The following NOS1 variants were observed in gnomAD, a reference collection of about 807,000 sequenced individuals.
The protein encoded by NOS1 is nitric oxide synthase 1.
NOS1 carries 51 observed loss-of-function variants against 164.5 expected under a neutral mutation model. That is an observed-to-expected ratio of 0.31 (90% CI 0.25 to 0.39). The LOEUF (loss-of-function observed/expected upper bound fraction) is 0.39. Ranked by LOEUF, NOS1 falls within the 10% of genes least tolerant of loss-of-function variation. The pLI, the probability that NOS1 is intolerant of heterozygous loss-of-function variation, is 1.00. For missense variants in NOS1, 1,362 were observed against 1,885.6 expected, an observed-to-expected ratio of 0.72 and a Z score of 5.14; for synonymous variants, 719 against 745.8, an observed-to-expected ratio of 0.96 and a Z score of 0.59.
rs960649538 is a variant in NOS1, at chr12:117,210,614, T to C, written c.*4695A>G. The C allele has an allele frequency of 2.0e-6, 2 of 985,408 alleles. No individual in the cohort carries two copies. The highest frequency in any genetic ancestry group is 1.7e-5 in the African/African-American group (1 of 57,256). The allele number at this position is 985,408 out of a possible 1,614,324, so 61.0% of individuals were successfully genotyped here. A position where few individuals can be genotyped will look rare whatever the true frequency, so the allele number is the denominator to read the frequency against. The stretch of plus-strand genomic sequence containing the variant: ...GTCGGAGTGAAGGGGCTCAGGCATC[T>C]GGATTGCCCATCCTATTAGGACCAT... On this transcript the variant is annotated 3_prime_UTR_variant, in exon 29 of 29. Transcript: ENST00000317775.
chr12:117,216,979 G>T (rs539098560), intron 28 of NOS1, among the ~76,000 whole-genome samples: 1 of 152,156 alleles, frequency 6.6e-6, no homozygotes, highest in African/African-American at 2.4e-5. Context: ...AGTAAAGGGC[G>T]TCCAGGGGTG....
intron 1 of NOS1, among the ~76,000 whole-genome samples, chr12:117,340,141 C>A (rs1876028252): frequency 6.6e-6 from 1 of 151,994 alleles, no homozygotes; most frequent in Non-Finnish European, 1.5e-5. Flanking sequence ...AGTAACTGGA[C>A]TACAAGCACA....
intron 1 of NOS1, among the ~76,000 whole-genome samples, chr12:117,361,026 G>T (rs947025082): frequency 6.6e-6 from 1 of 152,166 alleles, no homozygotes; most frequent in African/African-American, 2.4e-5. Context: ...GTTGGGACGC[G>T]CAGCAAAGCC....
At chr12:117,220,401 G>T in intron 26 of NOS1, 132 bp from the exon 27 acceptor site, 1 of 843,090 alleles carries the variant, frequency 1.2e-6, no homozygotes, top group East Asian at 2.6e-5. Context: ...GCTGATCCCA[G>T]GGAACAAGAG....
At position 117,272,058 on chromosome 12, in the gene NOS1, A is replaced by G. The variant is rs1352298059; in HGVS notation, c.1839+327T>C. Reference sequence around the variant, plus strand: ...ACATTTCCCAGCCCTGCTGCCGGCTAGCTGTGTGACCTTGAGCTTGTCATC... The same window carrying G: ...ACATTTCCCAGCCCTGCTGCCGGCTGGCTGTGTGACCTTGAGCTTGTCATC... On this transcript the variant is annotated intron_variant, in intron 10 of 28. Transcript: ENST00000317775. This position sits in a 1 kb window ranked among gnomAD's most constrained non-coding sequence, Gnocchi z 4.3. Among the ~76,000 whole-genome samples, 1 of 152,180 alleles carries G rather than the reference A, an allele frequency of 6.6e-6. No homozygotes were observed. The highest frequency in any genetic ancestry group is 1.5e-5 in the Non-Finnish European group (1 of 68,030).
intron 1 of NOS1, among the ~76,000 whole-genome samples, chr12:117,332,755 C>T (rs1875608827): frequency 6.6e-6 from 1 of 152,102 alleles, no homozygotes; most frequent in African/African-American, 2.4e-5. Context: ...ATCCCAGCTA[C>T]TCAGGAGGCT....
At chr12:117,340,769 G>A (rs988734891) in intron 1 of NOS1, among the ~76,000 whole-genome samples, 7 of 151,400 alleles carry the variant, frequency 4.6e-5, no homozygotes, top group Non-Finnish European at 8.8e-5. Flanking sequence ...CTGTTGCCCA[G>A]GCTGAGTGCA....
At chr12:117,354,939 C>T (rs371324810) in intron 1 of NOS1, among the ~76,000 whole-genome samples, 19 of 152,294 alleles carry the variant, frequency 1.2e-4, no homozygotes, top group African/African-American at 4.3e-4. Flanking sequence ...TCTGAAGTTG[C>T]GTAAGCTTTT....
At chr12:117,240,941 CT>C (rs11398507) in intron 20 of NOS1, among the ~76,000 whole-genome samples, 1,749 of 138,880 alleles carry the variant, frequency 0.013, 17 homozygotes, top group East Asian at 0.053. Flanking sequence ...TTTTCTTTTT[CT>C]TTTTTTTTTT....
At chr12:117,263,595 ATTATTATTATT>A (rs1339791864) in intron 13 of NOS1, among the ~76,000 whole-genome samples, 10 of 145,078 alleles carry the variant, frequency 6.9e-5, no homozygotes, top group Non-Finnish European at 3.0e-5. Flanking sequence ...TATTATTATT[ATTATTATTATT>A]ATTATTATTA....
At position 117,247,333 on chromosome 12, in the gene NOS1, T is replaced by C. The variant is rs2291908; in HGVS notation, c.2823+15A>G. 488,691 of 1,555,138 alleles carry C rather than the reference T, an allele frequency of 0.31. 80,006 individuals are homozygous for C. The highest frequency in any genetic ancestry group is 0.55 in the Admixed American group (29,494 of 53,324). On this transcript the variant is annotated intron_variant, in intron 18 of 28. Coordinates refer to ENST00000317775, the MANE Select transcript of NOS1 (RefSeq NM_000620.5). ...AGCATTACTTTTTCCTGTAGGTCCA[T>C]GAGATCCAGATTACCTTGAAGACCT...
At chr12:117,218,786 C>A (rs1332819467) in intron 27 of NOS1, among the ~76,000 whole-genome samples, 1 of 152,032 alleles carries the variant, frequency 6.6e-6, no homozygotes. Flanking sequence ...TGAGAATTTA[C>A]CAAGCTATGG....
intron 5 of NOS1, 81 bp downstream of exon 5, chr12:117,287,993 G>C: frequency 6.4e-7 from 1 of 1,559,296 alleles, no homozygotes; most frequent in Non-Finnish European, 8.8e-7. Context: ...CTTGGCCTTG[G>C]TTTGCAAAGT....
Position 117,354,939 on chromosome 12 carries a change from C to G in NOS1, c.-421+6573G>C, listed in dbSNP as rs371324810. ...TGTACACGGATACTATCTGAAGTTGCGTAAGCTTTTTGAATTCACAATATT... is the reference window on the plus strand; with the variant it reads ...TGTACACGGATACTATCTGAAGTTGGGTAAGCTTTTTGAATTCACAATATT... On this transcript the variant is annotated intron_variant, in intron 1 of 28. Transcript: ENST00000317775. Among the ~76,000 whole-genome samples the G allele has an allele frequency of 1.7e-4, 26 of 152,176 alleles. No homozygotes were observed. The East Asian group carries it at 1.7e-3, about 10-fold the overall frequency.
intron 21 of NOS1, among the ~76,000 whole-genome samples, chr12:117,232,484 C>A (rs1869325907): frequency 6.6e-6 from 1 of 152,132 alleles, no homozygotes; most frequent in South Asian, 2.1e-4. Flanking sequence ...TGGTATCAGC[C>A]TCTCACCCCC....
chr12:117,270,717 T>C (rs893007962), intron 10 of NOS1, among the ~76,000 whole-genome samples: 2 of 152,122 alleles, frequency 1.3e-5, no homozygotes, highest in African/African-American at 2.4e-5. Context: ...CATTTTTTCC[T>C]TCCTGCTAGA....
chr12:117,344,217 G>GCTTTATAT, intron 1 of NOS1, among the ~76,000 whole-genome samples: 1 of 152,264 alleles, frequency 6.6e-6, no homozygotes, highest in East Asian at 1.9e-4. Flanking sequence ...AGCACCACAG[G>GCTTTATAT]TCTGCTTTCA....
At chr12:117,232,911 C>T (rs1035633334) in intron 21 of NOS1, among the ~76,000 whole-genome samples, 1 of 151,696 alleles carries the variant, frequency 6.6e-6, no homozygotes, top group Non-Finnish European at 1.5e-5. Context: ...ACTCTGTTGC[C>T]CAGGCGAGTG....
intron 17 of NOS1, among the ~76,000 whole-genome samples, chr12:117,250,105 G>A (rs1306459479): frequency 6.6e-6 from 1 of 152,094 alleles, no homozygotes; most frequent in Non-Finnish European, 1.5e-5. Context: ...AAGGAAGAAG[G>A]TAGGAGAAGT....
Sources: gnomAD v4.1 joint callset for allele counts (sites outside exome capture counted in the v4.1 genomes callset) on GRCh38, gnomAD v4.1.1 for gene constraint, Gnocchi (gnomAD v3.1) non-coding constraint, MANE v1.5 for transcripts, NCBI Gene and HGNC (gene_info 2026-07-23, HGNC 2026-07-21) for gene names.